Variants in POLA2 observed in about 807,000 individuals in gnomAD.
POLA2 encodes DNA polymerase alpha subunit B.
POLA2 carries 47 observed loss-of-function variants against 82.8 expected under a neutral mutation model. The observed-to-expected ratio is 0.57, with a 90% CI of 0.45 to 0.72. The LOEUF (loss-of-function observed/expected upper bound fraction) is 0.72. POLA2 is among the 30% of genes least tolerant of loss of function. POLA2 has a pLI of 0.00. For missense variants in POLA2, 634 were observed against 728.1 expected (o/e 0.87, Z 1.49); for synonymous variants, 287 against 286.8 (o/e 1.00, Z -0.01).
At chr11:65,266,836 G>A (rs1165345449) in intron 2 of POLA2, 130 bp downstream of exon 2, 2 of 833,126 alleles carry the variant, frequency 2.4e-6, no homozygotes, top group East Asian at 2.6e-5. Flanking sequence ...GTGTGAGCTT[G>A]GACAAACTAT....
chr11:65,278,717 T>G lies in POLA2; in HGVS notation c.462-13T>G. On this transcript the variant is annotated splice_polypyrimidine_tract_variant and intron_variant, in intron 5 of 17. Coordinates refer to ENST00000265465, the MANE Select transcript of POLA2 (RefSeq NM_002689.4). ...TGAACACAGTAATATTAACCTGTTT[T>G]GCTTCCAATTAGTGCTACTCCCTCC... The G allele has an allele frequency of 6.2e-7, 1 of 1,607,490 alleles. No homozygotes were observed. The highest frequency in any genetic ancestry group is 8.5e-7 in the Non-Finnish European group (1 of 1,175,926).
At chr11:65,301,136 G>A (rs1949857254), downstream of POLA2, among the ~76,000 whole-genome samples, 1 of 152,084 alleles carries the variant, frequency 6.6e-6, no homozygotes, top group South Asian at 2.1e-4. Flanking sequence ...TTAGATTTAC[G>A]AAGGAAGACA....
At position 65,262,144 on chromosome 11, in the gene POLA2, T is replaced by C. The variant is rs1949404385; in HGVS notation, c.-149T>C. On this transcript the variant is annotated 5_prime_UTR_variant, in exon 1 of 18. Transcript: ENST00000265465. The stretch of plus-strand genomic sequence containing the variant: ...GCCGGGGCCTTCTGACGGTCTGAGG[T>C]CTTGCTTGGGCCAGTCACCTCCTGT... 4 of 633,678 alleles carry C rather than the reference T, an allele frequency of 6.3e-6. No homozygotes were observed. Among genetic ancestry groups the C allele is most frequent in the Non-Finnish European group, 8.5e-6 (3 of 352,992 alleles). The allele number at this position is 633,678 out of a possible 1,614,324, so 39.3% of individuals were successfully genotyped here. A position where few individuals can be genotyped will look rare whatever the true frequency, so the allele number is the denominator to read the frequency against.
At chr11:65,278,305 A>G (rs996721669) in intron 5 of POLA2, among the ~76,000 whole-genome samples, 2 of 152,158 alleles carry the variant, frequency 1.3e-5, no homozygotes, top group African/African-American at 4.8e-5. Flanking sequence ...GAGTTTTTAT[A>G]TATGCTCAGC....
intron 4 of POLA2, among the ~76,000 whole-genome samples, chr11:65,273,474 C>T (rs1408300206): frequency 6.6e-6 from 1 of 152,140 alleles, no homozygotes; most frequent in African/African-American, 2.4e-5. Flanking sequence ...GACTAGAACA[C>T]CAGACTGTGC....
chr11:65,274,005 C>T (rs1016465030), intron 4 of POLA2, among the ~76,000 whole-genome samples: 3 of 152,074 alleles, frequency 2.0e-5, no homozygotes, highest in Admixed American at 6.6e-5. Context: ...TTACAAGCAA[C>T]CCATAATCCA....
At chr11:65,289,025 G>T in intron 11 of POLA2, 25 bp from the exon 12 acceptor site, 1 of 1,609,276 alleles carries the variant, frequency 6.2e-7, no homozygotes, top group Non-Finnish European at 8.5e-7. Flanking sequence ...TTGTTCTTTT[G>T]GTGTCTTTGT....
chr11:65,303,361 A>C (rs970463181), downstream of POLA2, among the ~76,000 whole-genome samples: 1 of 149,576 alleles, frequency 6.7e-6, no homozygotes, highest in South Asian at 2.1e-4. Flanking sequence ...AAAAAAAAAA[A>C]CCGAAGAAGG....
chr11:65,304,160 C>T (rs1229271360), intron 8 of POLA2, among the ~76,000 whole-genome samples: 1 of 152,170 alleles, frequency 6.6e-6, no homozygotes, highest in African/African-American at 2.4e-5. Flanking sequence ...TCCTACCATC[C>T]ACCCATCCGT....
At chr11:65,279,888 G>T (rs1949622385) in intron 7 of POLA2, 1 of 386,440 alleles carries the variant, frequency 2.6e-6, no homozygotes, top group Non-Finnish European at 4.6e-6. Flanking sequence ...TCCCTTGGTG[G>T]TGAGTCAGGT....
At chr11:65,284,469 G>T (rs926621644) in intron 10 of POLA2, among the ~76,000 whole-genome samples, 1 of 151,830 alleles carries the variant, frequency 6.6e-6, no homozygotes, top group African/African-American at 2.4e-5. Context: ...GTGTCAGAGT[G>T]AGACCCTGTC....
rs578056915 is a variant in POLA2 at position 65,282,335 on chromosome 11, G to A, written c.964-144G>A. The A allele has an allele frequency of 2.9e-5, 20 of 693,702 alleles. No homozygotes were observed. The Admixed American group carries it at 4.0e-4, about 14-fold the overall frequency. 43.0% of individuals were successfully genotyped at this position (693,702 alleles called of 1,614,324 possible). On this transcript the variant is annotated intron_variant, in intron 9 of 17. Transcript: ENST00000265465. ...CATCAGATCCAGGGAGCAAGACAGA[G>A]GCACATCCTTCCCCTGCCCTCTCGC... is the stretch of plus-strand genomic sequence containing the variant.
At chr11:65,293,138 C>A (rs959551990) in intron 13 of POLA2, among the ~76,000 whole-genome samples, 1 of 152,142 alleles carries the variant, frequency 6.6e-6, no homozygotes, top group African/African-American at 2.4e-5. Context: ...TGCATGACAA[C>A]CTGCTGAGAA....
rs551702502 is a variant in POLA2 at position 65,266,293 on chromosome 11, A to G, written c.80-289A>G. Among the ~76,000 whole-genome samples the G allele has an allele frequency of 1.6e-4, 25 of 152,272 alleles. No homozygotes were observed. In the South Asian group the frequency reaches 3.5e-3, roughly 21 times the overall value. ...ATCCAGAGTCCAGCCACTTCTCGCC[A>G]TCTCCACTGCCACCACCTTGATCCA... On this transcript the variant is annotated intron_variant, in intron 1 of 17. Transcript: ENST00000265465.
chr11:65,302,258 G>T (rs1010262311), downstream of POLA2, among the ~76,000 whole-genome samples: 1 of 152,164 alleles, frequency 6.6e-6, no homozygotes, highest in African/African-American at 2.4e-5. Flanking sequence ...GAGCATTTTC[G>T]TGCTGAGTCA....
rs1213358703 is a variant in POLA2, at chr11:65,289,884, A to G, written c.1244+12A>G. On this transcript the variant is annotated intron_variant, in intron 13 of 17. Transcript: ENST00000265465. ...GAAGGCACAAGAAGGTCAGATTTCA[A>G]AATACTGGACAGAACCTTAAGCTTC... 1.3e-6 allele frequency: 2 copies of G among 1,547,960 alleles called. No homozygotes were observed. Among genetic ancestry groups the G allele is most frequent in the Non-Finnish European group, 1.8e-6 (2 of 1,119,946 alleles).
At chr11:65,295,452 C>T (rs1949799819) in intron 15 of POLA2, 88 bp from the exon 16 acceptor site, 1 of 1,194,920 alleles carries the variant, frequency 8.4e-7, no homozygotes, top group Non-Finnish European at 1.2e-6. Context: ...TTTACCTTCT[C>T]TCTGGTTTAT....
chr11:65,280,397 T>C (rs1176124209), intron 7 of POLA2: 1 of 152,530 alleles, frequency 6.6e-6, no homozygotes, highest in Non-Finnish European at 1.5e-5. Context: ...GGTTGTATGG[T>C]ATGTGGCTAA....
At chr11:65,303,542 G>T (rs1328006286), downstream of POLA2, among the ~76,000 whole-genome samples, 1 of 152,068 alleles carries the variant, frequency 6.6e-6, no homozygotes, top group Non-Finnish European at 1.5e-5. Context: ...AGGGGGTAGA[G>T]TGGTGGGAAT....
Sources: allele counts gnomAD v4.1 joint callset (sites outside exome capture counted in the v4.1 genomes callset), GRCh38; gene constraint gnomAD v4.1.1; transcripts MANE v1.5; gene names NCBI Gene and HGNC (gene_info 2026-07-23, HGNC 2026-07-21).